Variants in FAM91A1 observed in about 807,000 individuals in gnomAD.
FAM91A1 encodes family with sequence similarity 91 member A1.
Under a neutral mutation model 113.5 loss-of-function variants are expected in FAM91A1, and 41 were observed. The ratio of observed to expected loss-of-function variants is 0.36; its 90% CI spans 0.28 to 0.47. The LOEUF is 0.47. Among genes scored for constraint, FAM91A1 ranks in the 20% least tolerant of loss-of-function variants. The pLI is 1.00. For missense variants in FAM91A1, 696 were observed against 1,001.2 expected, an observed-to-expected ratio of 0.70 and a Z score of 4.11; for synonymous variants, 307 against 347.9, an observed-to-expected ratio of 0.88 and a Z score of 1.31.
intron 6 of FAM91A1, among the ~76,000 whole-genome samples, 169 bp from the exon 7 acceptor site, chr8:123,779,816 T>A (rs1042586953): frequency 5.9e-5 from 9 of 152,216 alleles, no homozygotes; most frequent in African/African-American, 1.7e-4. Flanking sequence ...TTTGGCACCT[T>A]AATTGATGGC....
At position 123,815,120 on chromosome 8, in the gene FAM91A1, C is replaced by CA. The variant is rs1285788938; in HGVS notation, c.*2422dup. ...GATTTGAAGAAATGCAACTTTATAT[C>CA]AAAAAATGTCATCTGATTTCCTTTG... On this transcript the variant is annotated 3_prime_UTR_variant, in exon 24 of 24. Transcript: ENST00000334705. 6.6e-6 allele frequency: 1 copy of CA among 152,332 alleles called. No individual in the cohort carries two copies. The highest frequency in any genetic ancestry group is 2.4e-5 in the African/African-American group (1 of 41,368). The allele number at this position is 152,332 out of a possible 1,614,324, so 9.4% of individuals were successfully genotyped here.
chr8:123,768,952 C>T (rs1049406669), intron 1 of FAM91A1, among the ~76,000 whole-genome samples, 178 bp downstream of exon 1: 25 of 152,326 alleles, frequency 1.6e-4, no homozygotes, highest in African/African-American at 5.8e-4. Context: ...GCTGTGGGGC[C>T]ACAGGGCCAG....
At chr8:123,772,704 C>G (rs1292527803) in intron 1 of FAM91A1, among the ~76,000 whole-genome samples, 1 of 152,186 alleles carries the variant, frequency 6.6e-6, no homozygotes, top group Non-Finnish European at 1.5e-5. Flanking sequence ...AAGTTAACTA[C>G]TAATAGCCTA....
At position 123,778,107 on chromosome 8, in the gene FAM91A1, T is replaced by G; in HGVS notation, c.435+15T>G. Reference sequence around the variant, plus strand: ...GATCATCAAAAGTAAGTTAGTACTTTCTTTTTCATTGTTTTGGCCTCATCA... The same window carrying G: ...GATCATCAAAAGTAAGTTAGTACTTGCTTTTTCATTGTTTTGGCCTCATCA... On this transcript the variant is annotated intron_variant, in intron 5 of 23. Coordinates refer to ENST00000334705, the MANE Select transcript of FAM91A1 (RefSeq NM_144963.4). The G allele has an allele frequency of 6.4e-7, 1 of 1,569,228 alleles. No homozygotes were observed. The highest frequency in any genetic ancestry group is 8.7e-7 in the Non-Finnish European group (1 of 1,151,700).
chr8:123,773,960 C>A, intron 1 of FAM91A1, 120 bp from the exon 2 acceptor site: 1 of 720,908 alleles, frequency 1.4e-6, no homozygotes, highest in South Asian at 1.9e-5. Flanking sequence ...TTATTTAATT[C>A]TGCAAATTAG....
chr8:123,799,870 T>C lies in FAM91A1; in HGVS notation c.1794T>C (p.Ser598=). ...LTMLNDALTH[S]AVLIQGHGLH... is the part of the protein sequence containing the mutation. ...TGTTGAATGATGCTTTAACACATTC[T>C]GCAGTTTTAATTCAGGTACATTTAT... Residue 598 remains serine (S), a synonymous_variant, in exon 18 of 24, where the codon TCT becomes TCC. Transcript: ENST00000334705. 1 of 1,591,886 alleles carries C rather than the reference T, an allele frequency of 6.3e-7. No homozygotes were observed. Among genetic ancestry groups the C allele is most frequent in the Non-Finnish European group, 8.6e-7 (1 of 1,165,216 alleles).
intron 16 of FAM91A1, 50 bp from the exon 17 acceptor site, chr8:123,799,470 C>A (rs1201490424): frequency 6.4e-7 from 1 of 1,570,902 alleles, no homozygotes; most frequent in Non-Finnish European, 8.6e-7. Context: ...TTCTCGGTCA[C>A]TTATGTAACA....
intron 2 of FAM91A1, 109 bp downstream of exon 2, chr8:123,774,273 A>T (rs1814927146): frequency 2.4e-6 from 2 of 842,382 alleles, no homozygotes; most frequent in Admixed American, 2.9e-5. Flanking sequence ...TTCCATGTAC[A>T]GACTTTAAGA....
chr8:123,780,629 G>A, intron 8 of FAM91A1, 87 bp downstream of exon 8: 1 of 1,068,126 alleles, frequency 9.4e-7, no homozygotes, highest in South Asian at 1.6e-5. Flanking sequence ...GATCTTAGAT[G>A]TTAGGATATT....
chr8:123,788,554 G>C (rs1815311648), intron 14 of FAM91A1, among the ~76,000 whole-genome samples: 1 of 151,636 alleles, frequency 6.6e-6, no homozygotes, highest in Admixed American at 6.6e-5. Context: ...AAATATGTGT[G>C]AGATAATCCT....
chr8:123,812,619 A>G lies in FAM91A1; in HGVS notation c.2432A>G (p.Asn811Ser). ...ADMGVPLPAK[N>S]LIFKDGVLSE... is the part of the protein sequence containing the mutation. ...ATGGGTGTTCCACTTCCTGCAAAAAACTTAATATTTAAAGATGGTGTCTTA... is the reference window on the plus strand; with the variant it reads ...ATGGGTGTTCCACTTCCTGCAAAAAGCTTAATATTTAAAGATGGTGTCTTA... The change falls in exon 24 of 24, where the codon AAC becomes AGC. Residue 811 changes from asparagine to serine, a missense_variant. Asn to Ser is a conservative substitution (Grantham distance 46, BLOSUM62 1). Transcript: ENST00000334705. 1 of 1,612,292 alleles carries G rather than the reference A, an allele frequency of 6.2e-7. No homozygotes were observed. The highest frequency in any genetic ancestry group is 8.5e-7 in the Non-Finnish European group (1 of 1,179,214).
rs929093540 is a variant in FAM91A1, at chr8:123,809,151, G to A, written c.2261+135G>A. The A allele has an allele frequency of 1.4e-5, 18 of 1,260,624 alleles. No homozygotes were observed. In the East Asian group the frequency reaches 2.2e-4, roughly 16 times the overall value. 78.1% of individuals were successfully genotyped at this position (1,260,624 alleles called of 1,614,324 possible). A position where few individuals can be genotyped will look rare whatever the true frequency, so the allele number is the denominator to read the frequency against. The stretch of plus-strand genomic sequence containing the variant: ...TATATTTGTTGATTGAATAGAGATC[G>A]CTAGTTTAAGGGTTTTGCTGTATTT... On this transcript the variant is annotated intron_variant, in intron 22 of 23. Transcript: ENST00000334705.
Position 123,778,087 on chromosome 8 carries a change from T to TC in FAM91A1, c.431dup (p.Phe147IlefsTer9). 1 of 1,597,718 alleles carries TC rather than the reference T, an allele frequency of 6.3e-7. No homozygotes were observed. Among genetic ancestry groups the TC allele is most frequent in the Non-Finnish European group, 8.5e-7 (1 of 1,171,602 alleles). ...TGATCTTATGAATCAGTGTAGATCATCAAAAGTAAGTTAGTACTTTCTTTT... is the reference window on the plus strand; with the variant it reads ...TGATCTTATGAATCAGTGTAGATCATCCAAAAGTAAGTTAGTACTTTCTTTT... On this transcript the variant is annotated frameshift_variant, in exon 5 of 24. Transcript: ENST00000334705. LOFTEE classifies it high-confidence loss of function.
Position 123,790,810 on chromosome 8 carries a change from C to T in FAM91A1, c.1411+1065C>T, listed in dbSNP as rs547829284. Among the ~76,000 whole-genome samples, 7 of 152,300 alleles carry T rather than the reference C, an allele frequency of 4.6e-5. No homozygotes were observed. The East Asian group carries it at 1.4e-3, about 29-fold the overall frequency. The stretch of plus-strand genomic sequence containing the variant: ...TTAATATGCCTTATCTGAAGAATTA[C>T]AGATTGTTACATACTGGGGCTTTTG... On this transcript the variant is annotated intron_variant, in intron 15 of 23. Transcript: ENST00000334705.
intron 2 of FAM91A1, 116 bp from the exon 3 acceptor site, chr8:123,775,031 C>A: frequency 1.0e-6 from 1 of 972,682 alleles, no homozygotes; most frequent in Non-Finnish European, 1.4e-6. Flanking sequence ...TTTATTTGTT[C>A]TCTTGTAATT....
rs1275164219 is a variant in FAM91A1, at chr8:123,784,591, G to A, written c.810+15G>A. Reference sequence around the variant, plus strand: ...ATGTTGCAGAGGTAAGTTTGACAACGTCTCATGAAAATATAATCTCAAGAT... The same window carrying A: ...ATGTTGCAGAGGTAAGTTTGACAACATCTCATGAAAATATAATCTCAAGAT... On this transcript the variant is annotated intron_variant, in intron 9 of 23. Transcript: ENST00000334705. 2.0e-6 allele frequency: 3 copies of A among 1,534,120 alleles called. No homozygotes were observed. The highest frequency in any genetic ancestry group is 1.8e-6 in the Non-Finnish European group (2 of 1,123,018).
At chr8:123,769,937 A>G (rs1218437900) in intron 1 of FAM91A1, among the ~76,000 whole-genome samples, 1 of 151,504 alleles carries the variant, frequency 6.6e-6, no homozygotes, top group Non-Finnish European at 1.5e-5. Context: ...GTATATAAGG[A>G]TTATTTATTT....
chr8:123,781,602 C>G (rs750932828), intron 8 of FAM91A1, among the ~76,000 whole-genome samples: 1 of 151,678 alleles, frequency 6.6e-6, no homozygotes, highest in Non-Finnish European at 1.5e-5. Flanking sequence ...CTCAGTCTCC[C>G]GAATAGCTGG....
chr8:123,793,227 C>T (rs1281856370), intron 15 of FAM91A1, among the ~76,000 whole-genome samples: 1 of 152,066 alleles, frequency 6.6e-6, no homozygotes, highest in African/African-American at 2.4e-5. Context: ...ACTGTATAGT[C>T]AACTATTTTT....
Sources: gnomAD v4.1 joint callset for allele counts (sites outside exome capture counted in the v4.1 genomes callset) on GRCh38, gnomAD v4.1.1 for gene constraint, MANE v1.5 for transcripts, NCBI Gene and HGNC (gene_info 2026-07-23, HGNC 2026-07-21) for gene names.